Variants in CALN1 observed in about 807,000 individuals in gnomAD.
CALN1 encodes the protein calneuron 1.
In CALN1, 17 loss-of-function variants were observed where a neutral mutation model predicts 30.6. That is an observed-to-expected ratio of 0.56 (90% CI 0.38 to 0.83). The LOEUF is 0.83. Ranked by LOEUF, CALN1 falls within the 40% of genes least tolerant of loss-of-function variation. The probability of loss-of-function intolerance (pLI) is 0.00; values close to 1 mark genes in which losing one functional copy is unlikely to be tolerated. For missense variants in CALN1, 291 were observed against 354.9 expected (o/e 0.82, Z 1.45); for synonymous variants, 156 against 131.4 (o/e 1.19, Z -1.28).
the CALN1 span, among the ~76,000 whole-genome samples, chr7:72,484,226 C>G: frequency 6.6e-6 from 1 of 151,692 alleles, no homozygotes; most frequent in Non-Finnish European, 1.5e-5. Context: ...TGAATTTTAC[C>G]TTGTTGGATG....
intron 3 of CALN1, among the ~76,000 whole-genome samples, chr7:72,136,257 G>A (rs905642301): frequency 1.3e-5 from 2 of 152,124 alleles, no homozygotes; most frequent in East Asian, 1.9e-4. Context: ...TTGATAACTT[G>A]CTGCTGCAGC....
intron 2 of CALN1, among the ~76,000 whole-genome samples, chr7:72,282,412 A>G (rs1797789871): frequency 6.6e-6 from 1 of 152,238 alleles, no homozygotes; most frequent in South Asian, 2.1e-4. Context: ...AGTAATTCAT[A>G]CACTGGAATC....
chr7:72,453,376 G>C, the CALN1 span, among the ~76,000 whole-genome samples: 1 of 152,220 alleles, frequency 6.6e-6, no homozygotes, highest in East Asian at 1.9e-4. Flanking sequence ...CAAATTAAGG[G>C]GCAGGCTATT....
rs965859426 is a variant in CALN1, at chr7:72,369,504, G to A, written c.119+33747C>T. Among the ~76,000 whole-genome samples the A allele has an allele frequency of 5.3e-5, 8 of 151,706 alleles. No individual in the cohort carries two copies. In the East Asian group the frequency reaches 1.4e-3, roughly 26 times the overall value. On this transcript the variant is annotated intron_variant, in intron 2 of 6. Transcript: ENST00000395275. ...AGCCTCCCGAGTAGCTGGGATTACA[G>A]GCATGCACCACCACAACTGGCTAAT...
chr7:72,476,834 A>G, the CALN1 span, among the ~76,000 whole-genome samples: 1 of 152,352 alleles, frequency 6.6e-6, no homozygotes, highest in African/African-American at 2.4e-5. Flanking sequence ...CCTGCTGGAG[A>G]TCATGTTCTA....
At chr7:71,819,124 G>A (rs1434610042) in intron 5 of CALN1, among the ~76,000 whole-genome samples, 1 of 151,836 alleles carries the variant, frequency 6.6e-6, no homozygotes. Flanking sequence ...TGAGTAGCTG[G>A]GACTACAGAC....
chr7:71,821,119 A>G (rs1367250267), intron 5 of CALN1, among the ~76,000 whole-genome samples: 1 of 152,168 alleles, frequency 6.6e-6, no homozygotes, highest in Admixed American at 6.6e-5. Context: ...ATACAGGTTA[A>G]TGACACAGAT....
intron 5 of CALN1, among the ~76,000 whole-genome samples, chr7:72,019,540 G>A (rs1375876303): frequency 2.6e-5 from 4 of 152,180 alleles, no homozygotes; most frequent in Non-Finnish European, 5.9e-5. Flanking sequence ...TGGCTTTGAG[G>A]GAAACTGGCT....
chr7:72,246,750 A>T lies in CALN1; in HGVS notation c.244+31936T>A, dbSNP rs1795190438. ...GCCAATGATCCTCATTCCTACCAGAACAATTTTTTTTTTTTTTTTTTGAGA... is the reference window on the plus strand; with the variant it reads ...GCCAATGATCCTCATTCCTACCAGATCAATTTTTTTTTTTTTTTTTTGAGA... On this transcript the variant is annotated intron_variant, in intron 3 of 6. Transcript: ENST00000395275. Among the ~76,000 whole-genome samples, 3 of 94,242 alleles carry T rather than the reference A, an allele frequency of 3.2e-5. No individual in the cohort carries two copies. In the South Asian group the frequency reaches 1.5e-3, roughly 48 times the overall value. The allele number at this position is 94,242 out of a possible 152,430, so 61.8% of individuals were successfully genotyped here.
At chr7:71,906,271 C>T (rs536729744) in intron 5 of CALN1, among the ~76,000 whole-genome samples, 9 of 152,080 alleles carry the variant, frequency 5.9e-5, no homozygotes, top group South Asian at 2.1e-4. Flanking sequence ...AGCAGCCGGG[C>T]GGAACTTTCC....
intron 3 of CALN1, among the ~76,000 whole-genome samples, chr7:72,248,820 G>A (rs473176): frequency 0.69 from 103,835 of 150,964 alleles, 36,142 homozygotes; most frequent in East Asian, 1. Context: ...TTTCGATCTA[G>A]ATTTTTTTTT....
chr7:72,285,346 C>A (rs1158653690), intron 2 of CALN1, among the ~76,000 whole-genome samples: 3 of 152,158 alleles, frequency 2.0e-5, no homozygotes. Flanking sequence ...CGGGTTCATG[C>A]CATTCTCCTG....
intron 5 of CALN1, among the ~76,000 whole-genome samples, chr7:71,932,536 G>A (rs12537432): frequency 0.17 from 25,945 of 152,022 alleles, 2,418 homozygotes; most frequent in Non-Finnish European, 0.21. Context: ...TATATGTGCC[G>A]GGCAGGGTGG....
At chr7:72,049,759 C>T (rs1372417272) in intron 4 of CALN1, among the ~76,000 whole-genome samples, 2 of 151,288 alleles carry the variant, frequency 1.3e-5, no homozygotes, top group Non-Finnish European at 2.9e-5. Context: ...CCACCTGCCT[C>T]GGTCTGCCAA....
intron 4 of CALN1, among the ~76,000 whole-genome samples, chr7:72,042,758 C>A (rs765106618): frequency 9.2e-5 from 14 of 151,982 alleles, no homozygotes; most frequent in Admixed American, 4.6e-4. Context: ...AAATAAGACT[C>A]CCAAAAGGAA....
chr7:72,101,774 G>A (rs1806684957), intron 4 of CALN1, among the ~76,000 whole-genome samples: 1 of 152,088 alleles, frequency 6.6e-6, no homozygotes, highest in East Asian at 1.9e-4. Context: ...GAGACTTCCT[G>A]CCCATCTCCT....
the CALN1 span, among the ~76,000 whole-genome samples, chr7:72,477,338 G>C: frequency 6.6e-6 from 1 of 152,138 alleles, no homozygotes; most frequent in Non-Finnish European, 1.5e-5. Context: ...ACAGAGAGAA[G>C]GCATGTGAGG....
the CALN1 span, among the ~76,000 whole-genome samples, chr7:72,488,035 C>T: frequency 2.7e-5 from 4 of 150,774 alleles, no homozygotes; most frequent in Non-Finnish European, 4.4e-5. Flanking sequence ...AACCTGAGCT[C>T]AAGGACAAAT....
At chr7:72,201,641 C>T (rs1791427802) in intron 3 of CALN1, among the ~76,000 whole-genome samples, 1 of 151,390 alleles carries the variant, frequency 6.6e-6, no homozygotes, top group South Asian at 2.1e-4. Context: ...GGGTACTATG[C>T]TCACTACCTG....
Sources: gnomAD v4.1 joint callset for allele counts (sites outside exome capture counted in the v4.1 genomes callset) on GRCh38, gnomAD v4.1.1 for gene constraint, MANE v1.5 for transcripts, NCBI Gene and HGNC (gene_info 2026-07-23, HGNC 2026-07-21) for gene names.